The following ANKDD1B variants were observed in gnomAD, a reference collection of about 807,000 sequenced individuals.
ANKDD1B encodes ankyrin repeat and death domain containing 1B.
A neutral mutation model predicts 59.7 loss-of-function variants in ANKDD1B; 57 were observed. The ratio of observed to expected loss-of-function variants is 0.95; its 90% confidence interval spans 0.77 to 1.19. The LOEUF (loss-of-function observed/expected upper bound fraction) is 1.19, where lower values mean the gene tolerates loss of function less well. Ranked by LOEUF, ANKDD1B falls within the 50% of genes most tolerant of loss-of-function variation. The pLI, the probability that ANKDD1B is intolerant of heterozygous loss-of-function variation, is 0.00. For missense variants in ANKDD1B, 602 were observed against 641.9 expected (o/e 0.94, Z 0.67); for synonymous variants, 216 against 239.5 (o/e 0.90, Z 0.91).
chr5:75,636,926 A>T (rs530744713), intron 7 of ANKDD1B, among the ~76,000 whole-genome samples: 2 of 152,012 alleles, frequency 1.3e-5, no homozygotes, highest in East Asian at 3.9e-4. Context: ...AGGTGGGTAC[A>T]TTCAGGTGGA....
At chr5:75,614,281 G>A (rs1773656173) in intron 1 of ANKDD1B, among the ~76,000 whole-genome samples, 1 of 152,148 alleles carries the variant, frequency 6.6e-6, no homozygotes, top group Admixed American at 6.5e-5. Flanking sequence ...ACACACAGTG[G>A]GTTGTGTTAC....
At position 75,625,595 on chromosome 5, in the gene ANKDD1B, G is replaced by A. The variant is rs560126780; in HGVS notation, c.397-52G>A. The A allele has an allele frequency of 1.0e-4, 146 of 1,423,688 alleles. No homozygotes were observed. The African/African-American group carries it at 1.8e-3, about 17-fold the overall frequency. The allele number at this position is 1,423,688 out of a possible 1,614,324, so 88.2% of individuals were successfully genotyped here. ...GGCCTTTGTTGATGAGGCAGTATATGGCTGCAGCTTGTCAGAGTGATAGAT... is the reference window on the plus strand; with the variant it reads ...GGCCTTTGTTGATGAGGCAGTATATAGCTGCAGCTTGTCAGAGTGATAGAT... On this transcript the variant is annotated intron_variant, in intron 3 of 13. Coordinates refer to ENST00000601380, the MANE Select transcript of ANKDD1B (RefSeq NM_001276713.2).
chr5:75,613,755 A>G (rs1025992960), intron 1 of ANKDD1B, among the ~76,000 whole-genome samples: 5 of 152,200 alleles, frequency 3.3e-5, no homozygotes, highest in African/African-American at 9.7e-5. Flanking sequence ...ACCTGTTAGC[A>G]TGTGTATCAG....
At position 75,626,038 on chromosome 5, in the gene ANKDD1B, G is replaced by A. The variant is rs555399126; in HGVS notation, c.600+83G>A. On this transcript the variant is annotated intron_variant, in intron 5 of 13. Transcript: ENST00000601380. ...TCCTGCCTCTGGTACAGCTGTGAAA[G>A]CAGCCAGCACAGACAGACCCGGCCC... is the stretch of plus-strand genomic sequence containing the variant. 1.6e-3 allele frequency: 1,625 copies of A among 1,043,256 alleles called. 3 individuals carry two copies. The highest frequency in any genetic ancestry group is 2.1e-3 in the Non-Finnish European group (1,462 of 708,142). 64.6% of individuals were successfully genotyped at this position (1,043,256 alleles called of 1,614,324 possible). A position where few individuals can be genotyped will look rare whatever the true frequency, so the allele number is the denominator to read the frequency against.
chr5:75,656,890 T>C (rs1273727548), intron 9 of ANKDD1B, among the ~76,000 whole-genome samples: 2 of 152,222 alleles, frequency 1.3e-5, no homozygotes, highest in African/African-American at 4.8e-5. Flanking sequence ...CCTGTCCTAA[T>C]ACACTGTGAA....
At chr5:75,644,136 C>T (rs1479556369) in intron 7 of ANKDD1B, among the ~76,000 whole-genome samples, 1 of 104,316 alleles carries the variant, frequency 9.6e-6, no homozygotes, top group Non-Finnish European at 1.7e-5. Context: ...CCAGCCGCTG[C>T]AAAATCATGC....
intron 9 of ANKDD1B, among the ~76,000 whole-genome samples, chr5:75,658,707 A>G (rs1775038669): frequency 6.6e-6 from 1 of 152,222 alleles, no homozygotes; most frequent in African/African-American, 2.4e-5. Flanking sequence ...ACTAGATAGT[A>G]TCATTTCCTA....
rs145340068 is a variant in ANKDD1B, at chr5:75,626,417, C to T, written c.600+462C>T. 3.6e-3 allele frequency among the ~76,000 whole-genome samples: 543 copies of T among 152,252 alleles called. 2 individuals carry two copies. The highest frequency in any genetic ancestry group is 5.4e-3 in the Non-Finnish European group (370 of 68,016). On this transcript the variant is annotated intron_variant, in intron 5 of 13. Coordinates refer to ENST00000601380, the MANE Select transcript of ANKDD1B (RefSeq NM_001276713.2). Reference sequence around the variant, plus strand: ...TATAACAATACCAGCTACTACTTAACGAGTATCTATTAATGTAGGTACAGA... The same window carrying T: ...TATAACAATACCAGCTACTACTTAATGAGTATCTATTAATGTAGGTACAGA...
chr5:75,635,025 G>A, intron 6 of ANKDD1B, 29 bp downstream of exon 6: 1 of 1,419,910 alleles, frequency 7.0e-7, no homozygotes, highest in Non-Finnish European at 9.6e-7. Context: ...TCTTTGCTGA[G>A]AACAAGAGAA....
chr5:75,622,263 A>T (rs774762024), intron 3 of ANKDD1B, among the ~76,000 whole-genome samples: 2 of 152,248 alleles, frequency 1.3e-5, no homozygotes, highest in Non-Finnish European at 2.9e-5. Flanking sequence ...GACTTGAAGC[A>T]TGCACATCAC....
chr5:75,633,604 G>A (rs972301745), intron 5 of ANKDD1B, among the ~76,000 whole-genome samples: 3 of 152,132 alleles, frequency 2.0e-5, no homozygotes, highest in Non-Finnish European at 4.4e-5. Context: ...CAATCTGTGA[G>A]TGTTTTCTTC....
At chr5:75,613,691 G>A (rs575960652) in intron 1 of ANKDD1B, among the ~76,000 whole-genome samples, 28 of 152,298 alleles carry the variant, frequency 1.8e-4, no homozygotes, top group Admixed American at 7.8e-4. Context: ...GGAAGACTAG[G>A]GAAATGTAGA....
At chr5:75,644,337 T>A (rs947766517) in intron 7 of ANKDD1B, among the ~76,000 whole-genome samples, 1 of 94,100 alleles carries the variant, frequency 1.1e-5, no homozygotes. Context: ...ATCAGTGTGC[T>A]GTATTCAGGA....
At chr5:75,641,319 G>A (rs558561082) in intron 7 of ANKDD1B, among the ~76,000 whole-genome samples, 2 of 152,250 alleles carry the variant, frequency 1.3e-5, no homozygotes, top group South Asian at 4.1e-4. Context: ...CCCCTGCAAT[G>A]GCTTTGTCTT....
chr5:75,638,591 A>T (rs1774378651), intron 7 of ANKDD1B, among the ~76,000 whole-genome samples: 1 of 152,232 alleles, frequency 6.6e-6, no homozygotes, highest in African/African-American at 2.4e-5. Flanking sequence ...ATAAATTTTT[A>T]AAATTCAAGA....
chr5:75,634,606 C>A, intron 5 of ANKDD1B: 1 of 256,940 alleles, frequency 3.9e-6, no homozygotes, highest in Non-Finnish European at 7.6e-6. Flanking sequence ...AAAAGGGAAT[C>A]TTGTCATCTG....
At chr5:75,659,658 T>C (rs1464957722) in intron 10 of ANKDD1B, among the ~76,000 whole-genome samples, 2 of 152,158 alleles carry the variant, frequency 1.3e-5, no homozygotes, top group African/African-American at 4.8e-5. Context: ...TTAGTAAGGG[T>C]TTAACAGTAA....
At chr5:75,612,242 T>G (rs1339902362) in intron 1 of ANKDD1B, among the ~76,000 whole-genome samples, 1 of 151,622 alleles carries the variant, frequency 6.6e-6, no homozygotes, top group African/African-American at 2.4e-5. Flanking sequence ...CATCTATGCC[T>G]TGGGAATAAT....
intron 10 of ANKDD1B, among the ~76,000 whole-genome samples, chr5:75,661,089 T>C (rs1378379592): frequency 6.6e-6 from 1 of 151,272 alleles, no homozygotes; most frequent in Non-Finnish European, 1.5e-5. Context: ...TTTTTTTTTT[T>C]CTGATCATAA....
Sources: gnomAD v4.1 joint callset for allele counts (sites outside exome capture counted in the v4.1 genomes callset) on GRCh38, gnomAD v4.1.1 for gene constraint, MANE v1.5 for transcripts, NCBI Gene and HGNC (gene_info 2026-07-23, HGNC 2026-07-21) for gene names.